Variants in MSH3 observed in about 807,000 individuals in gnomAD.
MSH3 encodes the protein mutS homolog 3.
MSH3 carries 106 observed loss-of-function variants against 123.3 expected under a neutral mutation model. The observed-to-expected ratio is 0.86, with a 90% CI of 0.73 to 1.01. The LOEUF is 1.01. Among genes scored for constraint, MSH3 ranks in the 50% least tolerant of loss-of-function variants. MSH3 has a pLI of 0.00. For missense variants in MSH3, 1,459 were observed against 1,347.6 expected (o/e 1.08, Z -1.29); for synonymous variants, 515 against 481.4 (o/e 1.07, Z -0.91).
intron 21 of MSH3, among the ~76,000 whole-genome samples, chr5:80,863,732 G>C (rs1746051813): frequency 6.6e-6 from 1 of 152,026 alleles, no homozygotes; most frequent in South Asian, 2.1e-4. Flanking sequence ...GGGGCTTCCA[G>C]GCTACAGGTA....
rs1285597974 is a variant in MSH3, at chr5:80,654,923, C to CCCCCAGCTCCCGCCTTCCCG, written c.205_224dup (p.His78SerfsTer9). The CCCCCAGCTCCCGCCTTCCCG allele has an allele frequency of 3.7e-6, 3 of 818,530 alleles. No individual in the cohort carries two copies. The highest frequency in any genetic ancestry group is 5.7e-5 in the East Asian group (2 of 35,352). The allele number at this position is 818,530 out of a possible 1,614,324, so 50.7% of individuals were successfully genotyped here. On this transcript the variant is annotated frameshift_variant, in exon 1 of 24. Transcript: ENST00000265081. LOFTEE classifies it high-confidence loss of function. ...CGCAGCGGCCGCAGCGCCCCCAGCG[C>CCCCCAGCTCCCGCCTTCCCG]CCCCAGCTCCCGCCTTCCCGCCCCA...
chr5:80,795,684 T>A (rs1027790031), intron 19 of MSH3, among the ~76,000 whole-genome samples: 4 of 151,302 alleles, frequency 2.6e-5, no homozygotes, highest in Non-Finnish European at 4.4e-5. Flanking sequence ...TTGTTCATTC[T>A]TTTTTAGGAA....
chr5:80,875,485 G>C (rs1746292180), intron 23 of MSH3, among the ~76,000 whole-genome samples: 1 of 152,120 alleles, frequency 6.6e-6, no homozygotes, highest in African/African-American at 2.4e-5. Context: ...AGGAGGAGGA[G>C]GTCAGGTTCT....
At chr5:80,775,189 G>A (rs1047116706) in intron 15 of MSH3, among the ~76,000 whole-genome samples, 2 of 152,076 alleles carry the variant, frequency 1.3e-5, no homozygotes, top group Non-Finnish European at 2.9e-5. Context: ...TTATAGTTAG[G>A]GAAGTCAGTG....
At chr5:80,822,186 C>T (rs72765590) in intron 20 of MSH3, among the ~76,000 whole-genome samples, 19,023 of 152,252 alleles carry the variant, frequency 0.12, 1,502 homozygotes, top group East Asian at 0.35. Flanking sequence ...CAAGTTACTT[C>T]ATCCTTCTAG....
At chr5:80,704,082 A>G (rs757916315) in intron 8 of MSH3, among the ~76,000 whole-genome samples, 15 of 152,092 alleles carry the variant, frequency 9.9e-5, no homozygotes, top group South Asian at 8.3e-4. Flanking sequence ...CTTCTGCTGA[A>G]GTGTCCTGAT....
chr5:80,667,958 T>A (rs1935320655), intron 3 of MSH3, among the ~76,000 whole-genome samples: 1 of 152,176 alleles, frequency 6.6e-6, no homozygotes, highest in Non-Finnish European at 1.5e-5. Flanking sequence ...GGTCCCAGGT[T>A]CTTGTCCTGC....
chr5:80,656,510 C>A lies in MSH3; in HGVS notation c.337C>A (p.Leu113Met). The A allele has an allele frequency of 6.2e-7, 1 of 1,614,150 alleles. No individual in the cohort carries two copies. The highest frequency in any genetic ancestry group is 8.5e-7 in the Non-Finnish European group (1 of 1,180,014). ...KVQQKEGGSD[L>M]GMSGNSEPKK... ...CCAACAAAAGGAAGGAGGAAGTGAT[C>A]TGGGAATGTCTGGCAACTCTGGTGA... Residue 113 changes from leucine to methionine, a missense_variant, in exon 2 of 24, where the codon CTG becomes ATG. Transcript: ENST00000265081.
intron 7 of MSH3, among the ~76,000 whole-genome samples, chr5:80,676,831 AAC>A (rs1472508553): frequency 6.6e-6 from 1 of 152,254 alleles, no homozygotes; most frequent in Non-Finnish European, 1.5e-5. Flanking sequence ...CCTTCTAAAG[AAC>A]AGAGTTGATA....
chr5:80,832,821 AT>A (rs1745443169), intron 20 of MSH3, among the ~76,000 whole-genome samples: 2 of 152,030 alleles, frequency 1.3e-5, no homozygotes, highest in African/African-American at 4.8e-5. Flanking sequence ...CTACTTAACA[AT>A]TTTAATATTT....
intron 20 of MSH3, among the ~76,000 whole-genome samples, chr5:80,842,230 T>C (rs1199365516): frequency 2.0e-5 from 3 of 152,238 alleles, no homozygotes; most frequent in African/African-American, 7.2e-5. Flanking sequence ...TGTGATGTTA[T>C]TTCTGAGGCC....
chr5:80,701,122 TC>T (rs1225733438), intron 8 of MSH3, among the ~76,000 whole-genome samples: 1 of 152,126 alleles, frequency 6.6e-6, no homozygotes, highest in African/African-American at 2.4e-5. Context: ...ATTATTAGCA[TC>T]TTAAAAAAAT....
At chr5:80,673,866 A>G (rs1749774601) in intron 6 of MSH3, among the ~76,000 whole-genome samples, 1 of 152,262 alleles carries the variant, frequency 6.6e-6, no homozygotes, top group Non-Finnish European at 1.5e-5. Flanking sequence ...GCATTTAAAA[A>G]AAATTACTAT....
intron 17 of MSH3, among the ~76,000 whole-genome samples, chr5:80,781,871 A>G (rs1461049553): frequency 1.3e-5 from 2 of 152,062 alleles, no homozygotes. Flanking sequence ...AGTTTTTATT[A>G]TATTATCCCT....
At chr5:80,839,124 T>A (rs1298946902) in intron 20 of MSH3, among the ~76,000 whole-genome samples, 1 of 152,186 alleles carries the variant, frequency 6.6e-6, no homozygotes, top group Non-Finnish European at 1.5e-5. Context: ...CCCAACACTT[T>A]GAGAGGCTGA....
chr5:80,873,249 C>A lies in MSH3; in HGVS notation c.3264C>A (p.His1088Gln), dbSNP rs1161193466. ...GAGAAATTTTGAAGAAAGCAGCTCA[C>A]AAGTCAAAAGAGCTGGAAGGATTAA... ...VPGEILKKAA[H>Q]KSKELEGLIN... The change falls in exon 23 of 24, where the codon CAC becomes CAA. Residue 1088 changes from histidine to glutamine, a missense_variant. His to Gln is a conservative substitution (Grantham distance 24). Transcript: ENST00000265081. 1 of 1,613,894 alleles carries A rather than the reference C, an allele frequency of 6.2e-7. No individual in the cohort carries two copies. Among genetic ancestry groups the A allele is most frequent in the Non-Finnish European group, 8.5e-7 (1 of 1,179,916 alleles).
chr5:80,687,993 G>A (rs1371101323), intron 8 of MSH3, among the ~76,000 whole-genome samples: 2 of 152,184 alleles, frequency 1.3e-5, no homozygotes, highest in East Asian at 3.8e-4. Flanking sequence ...ACCAGGACAA[G>A]GTAGGGATGT....
chr5:80,746,109 A>G (rs1743714355), intron 12 of MSH3, among the ~76,000 whole-genome samples: 1 of 152,162 alleles, frequency 6.6e-6, no homozygotes, highest in Non-Finnish European at 1.5e-5. Flanking sequence ...CGCACAGTAC[A>G]GTTTTATTCA....
intron 19 of MSH3, among the ~76,000 whole-genome samples, chr5:80,813,027 A>G (rs911461321): frequency 6.6e-6 from 1 of 152,242 alleles, no homozygotes; most frequent in Admixed American, 6.5e-5. Flanking sequence ...GATAAGTCCT[A>G]GAAAATTAAG....
Sources: gnomAD v4.1 joint callset for allele counts (sites outside exome capture counted in the v4.1 genomes callset) on GRCh38, gnomAD v4.1.1 for gene constraint, MANE v1.5 for transcripts, NCBI Gene and HGNC (gene_info 2026-07-23, HGNC 2026-07-21) for gene names.